The following NEGR1 variants were observed in gnomAD, a reference collection of about 807,000 sequenced individuals.
The protein encoded by NEGR1 is IgLON family member 4.
A neutral mutation model predicts 40.9 loss-of-function variants in NEGR1; 10 were observed. The ratio of observed to expected loss-of-function variants is 0.24; its 90% CI spans 0.15 to 0.42. NEGR1 has a LOEUF of 0.42. Ranked by LOEUF, NEGR1 falls within the 10% of genes least tolerant of loss-of-function variation. The pLI is 1.00. For synonymous variants in NEGR1, 185 were observed against 166.8 expected (o/e 1.11, Z -0.84); for missense variants, 352 against 438.9 (o/e 0.80, Z 1.77).
At chr1:72,023,871 C>G (rs1226317685) in intron 1 of NEGR1, among the ~76,000 whole-genome samples, 1 of 152,058 alleles carries the variant, frequency 6.6e-6, no homozygotes, top group African/African-American at 2.4e-5. Context: ...ATGCTATGCT[C>G]TCCTGCCTTG....
At chr1:71,594,597 T>C (rs1649627904) in intron 5 of NEGR1, among the ~76,000 whole-genome samples, 2 of 152,224 alleles carry the variant, frequency 1.3e-5, no homozygotes, top group African/African-American at 4.8e-5. Flanking sequence ...AGCAATAAAT[T>C]TAATGATCTC....
chr1:71,419,976 T>C lies in NEGR1; in HGVS notation c.941-12406A>G, dbSNP rs192868139. Among the ~76,000 whole-genome samples, 364 of 151,554 alleles carry C rather than the reference T, an allele frequency of 2.4e-3. 5 individuals are homozygous for C. Among genetic ancestry groups the C allele is most frequent in the Non-Finnish European group, 8.0e-4 (54 of 67,866 alleles). ...TACTGAACTCAGACACTAGTCAAGA[T>C]GGTAAAAAACAGAGAGAGGTGTGCA... On this transcript the variant is annotated intron_variant, in intron 6 of 6. Transcript: ENST00000357731.
intron 4 of NEGR1, among the ~76,000 whole-genome samples, chr1:71,642,980 A>G (rs1391310702): frequency 6.6e-6 from 1 of 151,966 alleles, no homozygotes; most frequent in African/African-American, 2.4e-5. Context: ...GTGAATAAAG[A>G]AAGTTCATAA....
chr1:71,963,401 G>A (rs970946366), intron 1 of NEGR1, among the ~76,000 whole-genome samples: 2 of 152,104 alleles, frequency 1.3e-5, no homozygotes, highest in African/African-American at 4.8e-5. Flanking sequence ...CTTTTAGGTG[G>A]AGGTTGGTTG....
chr1:71,983,784 C>T (rs539523340), intron 1 of NEGR1, among the ~76,000 whole-genome samples: 7 of 152,198 alleles, frequency 4.6e-5, no homozygotes, highest in South Asian at 2.1e-4. Context: ...GGCAATTGAT[C>T]AAAATAGCAA....
Position 72,191,399 on chromosome 1 carries a change from AATACACACAC to A in NEGR1, c.176+90910_176+90919del, listed in dbSNP as rs1652815805. On this transcript the variant is annotated intron_variant, in intron 1 of 6. Coordinates refer to ENST00000357731, the MANE Select transcript of NEGR1 (RefSeq NM_173808.3). ...ACCTGATAGTTTATGCTGAGATCAT[AATACACACAC>A]ATACACACAAAGGGAGAATGAGAGA... Among the ~76,000 whole-genome samples the A allele has an allele frequency of 2.6e-5, 4 of 151,776 alleles. No homozygotes were observed. In the South Asian group the frequency reaches 8.3e-4, roughly 31 times the overall value.
intron 4 of NEGR1, among the ~76,000 whole-genome samples, chr1:71,613,232 T>C (rs1447479641): frequency 6.6e-6 from 1 of 152,038 alleles, no homozygotes; most frequent in Non-Finnish European, 1.5e-5. Flanking sequence ...AAATTGGAGC[T>C]GATAAGATTT....
In NEGR1 at chr1:72,065,338, A is replaced by T. The variant is rs563695830; in HGVS notation, c.177-130027T>A. Among the ~76,000 whole-genome samples, 13 of 152,194 alleles carry T rather than the reference A, an allele frequency of 8.5e-5. No individual in the cohort carries two copies. The South Asian group carries it at 2.7e-3, about 32-fold the overall frequency. On this transcript the variant is annotated intron_variant, in intron 1 of 6. Transcript: ENST00000357731. ...TAGAAATCCTTCCTCTACTGCCCTC[A>T]TAATTTACTGTCAGGTCCTAAATGG...
At chr1:71,961,328 C>A (rs1031943073) in intron 1 of NEGR1, among the ~76,000 whole-genome samples, 1 of 152,096 alleles carries the variant, frequency 6.6e-6, no homozygotes, top group Admixed American at 6.6e-5. Flanking sequence ...TTATTTATCG[C>A]TGGCTTGCAA....
intron 6 of NEGR1, among the ~76,000 whole-genome samples, chr1:71,574,232 C>A (rs138191466): frequency 4.1e-4 from 62 of 152,300 alleles, no homozygotes; most frequent in African/African-American, 1.5e-3. Flanking sequence ...CCTATGGGAA[C>A]TGGGGCTTAG....
chr1:71,404,664 TA>T lies in NEGR1; in HGVS notation c.*2781del, dbSNP rs1338139108. 1.3e-5 allele frequency: 2 copies of T among 151,988 alleles called. No individual in the cohort carries two copies. Among genetic ancestry groups the T allele is most frequent in the Non-Finnish European group, 3.0e-5 (2 of 67,698 alleles). The allele number at this position is 151,988 out of a possible 1,614,324, so 9.4% of individuals were successfully genotyped here. On this transcript the variant is annotated 3_prime_UTR_variant, in exon 7 of 7. Transcript: ENST00000357731. ...CCATTCTCATTTTTAAACTGCTACT[TA>T]TTTTTCTTTCTTCCTTCTTTAAAAA...
intron 6 of NEGR1, among the ~76,000 whole-genome samples, chr1:71,430,820 C>A (rs1646462609): frequency 6.6e-6 from 1 of 151,234 alleles, no homozygotes; most frequent in African/African-American, 2.4e-5. Flanking sequence ...CATTCTCCTG[C>A]CTCAGCCTGG....
chr1:71,574,339 G>A (rs562636997), intron 6 of NEGR1, among the ~76,000 whole-genome samples: 1 of 152,294 alleles, frequency 6.6e-6, no homozygotes, highest in South Asian at 2.1e-4. Context: ...TTTTCTACCA[G>A]CATCAGTGAG....
chr1:71,706,270 G>A (rs1386041079), intron 3 of NEGR1, among the ~76,000 whole-genome samples: 3 of 152,140 alleles, frequency 2.0e-5, no homozygotes, highest in Admixed American at 1.3e-4. Flanking sequence ...ATGCCCATCC[G>A]CAGAAGGAGG....
At chr1:71,860,029 C>T (rs867055855) in intron 2 of NEGR1, among the ~76,000 whole-genome samples, 2 of 151,948 alleles carry the variant, frequency 1.3e-5, no homozygotes, top group East Asian at 3.9e-4. Flanking sequence ...TTTCCAGACC[C>T]CTACTGCTCT....
At chr1:71,905,637 CT>C (rs1661255245) in intron 2 of NEGR1, among the ~76,000 whole-genome samples, 1 of 151,900 alleles carries the variant, frequency 6.6e-6, no homozygotes, top group Non-Finnish European at 1.5e-5. Flanking sequence ...AAAACTTAGC[CT>C]TTTGATTTAA....
intron 1 of NEGR1, among the ~76,000 whole-genome samples, chr1:71,985,597 A>G (rs1029219249): frequency 2.0e-5 from 3 of 152,188 alleles, no homozygotes; most frequent in Admixed American, 6.5e-5. Context: ...GAGGAAGGAT[A>G]TATTTATGTC....
intron 1 of NEGR1, among the ~76,000 whole-genome samples, chr1:71,936,677 A>G (rs1645908357): frequency 6.6e-6 from 1 of 152,332 alleles, no homozygotes; most frequent in East Asian, 1.9e-4. Context: ...TGAGAGATGG[A>G]ATTGGAGAAA....
At chr1:71,488,293 T>A (rs1298554999) in intron 6 of NEGR1, 1 of 151,768 alleles carries the variant, frequency 6.6e-6, no homozygotes, top group African/African-American at 2.4e-5. Context: ...AAGTAGTAGT[T>A]TCCTTGATGA....
Sources: gnomAD v4.1 joint callset for allele counts (sites outside exome capture counted in the v4.1 genomes callset) on GRCh38, gnomAD v4.1.1 for gene constraint, MANE v1.5 for transcripts, NCBI Gene and HGNC (gene_info 2026-07-23, HGNC 2026-07-21) for gene names.